Variants in KMT2D observed in about 807,000 individuals in gnomAD.
KMT2D encodes the protein lysine methyltransferase 2D.
A neutral mutation model predicts 512.7 loss-of-function variants in KMT2D; 55 were observed. That is an observed-to-expected ratio of 0.11 (90% CI 0.09 to 0.13). KMT2D has a LOEUF of 0.13. Ranked by LOEUF, KMT2D falls within the 10% of genes least tolerant of loss-of-function variation. The pLI is 1.00. For synonymous variants in KMT2D, 2,995 were observed against 2,904.0 expected, an observed-to-expected ratio of 1.03 and a Z score of -1.01; for missense variants, 6,061 against 7,127.9, an observed-to-expected ratio of 0.85 and a Z score of 5.39.
rs746799585 is a variant in KMT2D, at chr12:49,032,693, C to T, written c.12012G>A (p.Lys4004=). The T allele has an allele frequency of 2.5e-6, 4 of 1,613,192 alleles. No homozygotes were observed. The highest frequency in any genetic ancestry group is 3.4e-6 in the Non-Finnish European group (4 of 1,179,580). Reference sequence around the variant, plus strand: ...CAGGGCTAGAAAAGTGTTGAAGAGGCTTTGCTGGCATGCCAGGGCCAAGTG... The same window carrying T: ...CAGGGCTAGAAAAGTGTTGAAGAGGTTTTGCTGGCATGCCAGGGCCAAGTG... ...QVALGPGMPA[K]PLQHFSSPGA... is the part of the protein sequence containing the mutation. The change falls in exon 40 of 55, where the codon AAG becomes AAA. Residue 4004 remains lysine (K), a synonymous_variant. Coordinates refer to ENST00000301067, the MANE Select transcript of KMT2D (RefSeq NM_003482.4).
Position 49,031,525 on chromosome 12 carries a change from G to A in KMT2D, c.13180C>T (p.Leu4394=). The change falls in exon 40 of 55, where the codon CTG becomes TTG. Residue 4394 remains leucine (L), a synonymous_variant. Coordinates refer to ENST00000301067, the MANE Select transcript of KMT2D (RefSeq NM_003482.4). ...ACCTGGTCCAGATGCCCAGGTACCA[G>A]GCTGCTCTGCTCTGGCTTCTGGGTT... ...AETQKPEQSS[L]VPGHLDQVNG... 6.2e-7 allele frequency: 1 copy of A among 1,609,648 alleles called. No individual in the cohort carries two copies. The highest frequency in any genetic ancestry group is 8.5e-7 in the Non-Finnish European group (1 of 1,178,046).
In KMT2D at chr12:49,051,159, G is replaced by T. The variant is rs1169331208; in HGVS notation, c.2524C>A (p.Leu842Met). The T allele has an allele frequency of 1.3e-6, 2 of 1,517,462 alleles. No individual in the cohort carries two copies. The highest frequency in any genetic ancestry group is 1.8e-6 in the Non-Finnish European group (2 of 1,131,080). The allele number at this position is 1,517,462 out of a possible 1,614,324, so 94.0% of individuals were successfully genotyped here. ...TGCGATTCCTCAGGCCGGGGGGACA[G>T]GCATGGCTCCTCAGACTGGGGGGAC... is the stretch of plus-strand genomic sequence containing the variant. ...HLSPQSEEPCLSPRPEESHLS... is the reference protein window; with the variant it reads ...HLSPQSEEPCMSPRPEESHLS... Residue 842 changes from leucine to methionine, a missense_variant, in exon 11 of 55, where the codon CTG (leucine) becomes ATG (methionine). Physicochemically the swap from Leu to Met is conservative, Grantham distance 15. Transcript: ENST00000301067.
At position 49,041,456 on chromosome 12, in the gene KMT2D, C is replaced by A. The variant is rs772506992; in HGVS notation, c.6314G>T (p.Arg2105Leu). 1.2e-6 allele frequency: 2 copies of A among 1,613,082 alleles called. No individual in the cohort carries two copies. Among genetic ancestry groups the A allele is most frequent in the South Asian group, 1.1e-5 (1 of 91,074 alleles). The change falls in exon 32 of 55, where the codon CGC (arginine) becomes CTC (leucine). Residue 2105 changes from arginine to leucine, a missense_variant. Physicochemically the swap from Arg to Leu is moderately radical, Grantham distance 102. Around this residue, in one of 16 missense-constraint regions of KMT2D, gnomAD observed 710 missense variants for 647.3 expected, o/e 1.10. Coordinates refer to ENST00000301067, the MANE Select transcript of KMT2D (RefSeq NM_003482.4). The surrounding 1 kb of genome is among the most constrained non-coding windows in gnomAD (Gnocchi z 5.4). ...CAGTGCCCCTGGCTGCGGGGGAATG[C>A]GGAGATGTAGGGCCGGTCGGTCAGT... ...RKTDRPALHL[R>L]IPPQPGALGS...
Position 49,031,830 on chromosome 12 carries a change from G to A in KMT2D, c.12875C>T (p.Pro4292Leu), listed in dbSNP as rs2120425475. The A allele has an allele frequency of 1.9e-6, 3 of 1,559,224 alleles. No homozygotes were observed. Among genetic ancestry groups the A allele is most frequent in the Non-Finnish European group, 2.6e-6 (3 of 1,152,164 alleles). Residue 4292 changes from proline to leucine, a missense_variant, in exon 40 of 55, where the codon CCA becomes CTA. Pro to Leu is a moderately conservative substitution (Grantham distance 98). This residue lies in a region of KMT2D where 1,600 missense variants were observed against 1,754.9 expected (regional missense o/e 0.91). Transcript: ENST00000301067. The stretch of plus-strand genomic sequence containing the variant: ...TGGTCCTGTAGATAAGGCTCCTGGT[G>A]GGGCAGGGAGCCGGGGTGGGCCCTG... Reference protein sequence around the residue: ...RPQGPPRLPAPPGALSTGPVL... With the variant: ...RPQGPPRLPALPGALSTGPVL...
chr12:49,045,743 G>T (rs1414021408), intron 19 of KMT2D, among the ~76,000 whole-genome samples, 177 bp downstream of exon 19: 1 of 152,098 alleles, frequency 6.6e-6, no homozygotes. Context: ...TGGAGACCTT[G>T]GTTCTAGGCA....
rs2120496743 is a variant in KMT2D at position 49,038,412 on chromosome 12, C to T, written c.8944G>A (p.Glu2982Lys). The stretch of plus-strand genomic sequence containing the variant: ...TCCTCACAGGGCAACTTCCCAGCTT[C>T]CAGGGCCAGAGGATTGGGGCGGCCA... ...ELGRPNPLAL[E>K]AGKLPCEDPE... The change falls in exon 35 of 55, where the codon GAA (glutamate) becomes AAA (lysine). Residue 2982 changes from glutamate to lysine, a missense_variant. Physicochemically the swap from Glu to Lys is moderately conservative, Grantham distance 56. This residue lies in a region of KMT2D where 527 missense variants were observed against 578.9 expected (regional missense o/e 0.91). Transcript: ENST00000301067. The surrounding 1 kb of genome is among the most constrained non-coding windows in gnomAD (Gnocchi z 5.7). 6.2e-7 allele frequency: 1 copy of T among 1,613,764 alleles called. No homozygotes were observed. Among genetic ancestry groups the T allele is most frequent in the Non-Finnish European group, 8.5e-7 (1 of 1,179,730 alleles).
chr12:49,026,846 G>A lies in KMT2D; in HGVS notation c.15120C>T (p.Asp5040=), dbSNP rs143955226. The stretch of plus-strand genomic sequence containing the variant: ...GACGGGCAGGCCCATCAGTGGCCCC[G>A]TCACCCTCCTCATGACAGAAACAGC... The part of the protein sequence containing the change: ...RRCCFCHEEG[D]GATDGPARLL... The change falls in exon 49 of 55, where the codon GAC becomes GAT. Residue 5040 remains aspartate (D), a synonymous_variant. Coordinates refer to ENST00000301067, the MANE Select transcript of KMT2D (RefSeq NM_003482.4). The surrounding 1 kb of genome is among the most constrained non-coding windows in gnomAD (Gnocchi z 9.6). 353 of 1,613,824 alleles carry A rather than the reference G, an allele frequency of 2.2e-4. 1 individual carries two copies. The East Asian group carries it at 7.2e-3, about 33-fold the overall frequency.
In KMT2D at chr12:49,023,374, GCTGTGAACTCACAGC is replaced by G. The variant is rs1306083497; in HGVS notation, c.16053-514_16053-500del. Among the ~76,000 whole-genome samples the G allele has an allele frequency of 2.6e-5, 4 of 152,160 alleles. No individual in the cohort carries two copies. The South Asian group carries it at 8.3e-4, about 32-fold the overall frequency. ...CTGGGCTAGATTTGAATTAAAACTG[GCTGTGAACTCACAGC>G]CTAAAGGTGGTATCCTTTCTTCGGA... On this transcript the variant is annotated intron_variant, in intron 51 of 54. Coordinates refer to ENST00000301067, the MANE Select transcript of KMT2D (RefSeq NM_003482.4).
In KMT2D at chr12:49,052,955, T is replaced by C. The variant is rs1178885414; in HGVS notation, c.1072A>G (p.Ile358Val). Residue 358 changes from isoleucine (I) to valine (V), a missense_variant, in exon 9 of 55, where the codon ATC (isoleucine) becomes GTC (valine). This residue lies in a region of KMT2D where 848 missense variants were observed against 838.5 expected (regional missense o/e 1.01). Transcript: ENST00000301067. ...GTATGCTGCTCAGCAACGGAGCGGA[T>C]AGTCTGACCTCCCTGGGCTTTGTGA... is the stretch of plus-strand genomic sequence containing the variant. ...RCHKAQGGQT[I>V]RSVAEQHTPV... is the part of the protein sequence containing the mutation. 8.7e-6 allele frequency: 14 copies of C among 1,613,888 alleles called. No individual in the cohort carries two copies. The highest frequency in any genetic ancestry group is 1.2e-5 in the Non-Finnish European group (14 of 1,179,874).
intron 1 of KMT2D, 34 bp from the exon 2 acceptor site, chr12:49,055,395 C>A (rs918553850): frequency 1.4e-6 from 2 of 1,401,082 alleles, no homozygotes; most frequent in Non-Finnish European, 2.0e-6. Flanking sequence ...TATATGCCTA[C>A]TAAGTCTTCC....
chr12:49,044,759 G>T lies in KMT2D; in HGVS notation c.4948C>A (p.Leu1650Met), dbSNP rs1943706224. ...KKDGDLDTDELLKGEGGVEHM... is the reference protein window; with the variant it reads ...KKDGDLDTDEMLKGEGGVEHM... ...CCAAGCTAACCTTCACCCTTGAGCA[G>T]CTCATCGGTGTCCAGGTCCCCATCC... Residue 1650 changes from leucine (L) to methionine (M), a missense_variant, in exon 20 of 55, where the codon CTG becomes ATG. Leu to Met is a conservative substitution (Grantham distance 15). Around this residue, in one of 16 missense-constraint regions of KMT2D, gnomAD observed 640 missense variants for 814.3 expected, o/e 0.79. Transcript: ENST00000301067. This position sits in a 1 kb window ranked among gnomAD's most constrained non-coding sequence, Gnocchi z 6.4. 6.2e-7 allele frequency: 1 copy of T among 1,613,614 alleles called. No homozygotes were observed. Among genetic ancestry groups the T allele is most frequent in the African/African-American group, 1.3e-5 (1 of 74,910 alleles).
In KMT2D at chr12:49,040,109, G is replaced by C. The variant is rs2120522329; in HGVS notation, c.7661C>G (p.Pro2554Arg). The change falls in exon 32 of 55, where the codon CCT (proline) becomes CGT (arginine). Residue 2554 changes from proline to arginine, a missense_variant. Coordinates refer to ENST00000301067, the MANE Select transcript of KMT2D (RefSeq NM_003482.4). ...EPSLKPPVPQPGLPPPHGINS... is the reference protein window; with the variant it reads ...EPSLKPPVPQRGLPPPHGINS... ...GATCCCATGGGGTGGCGGGAGACCA[G>C]GCTGAGGGACAGGGGGCTTTAGGGA... 1 of 1,613,950 alleles carries C rather than the reference G, an allele frequency of 6.2e-7. No homozygotes were observed. Among genetic ancestry groups the C allele is most frequent in the Non-Finnish European group, 8.5e-7 (1 of 1,179,868 alleles).
intron 19 of KMT2D, 106 bp from the exon 20 acceptor site, chr12:49,045,071 G>T: frequency 9.0e-7 from 1 of 1,108,576 alleles, no homozygotes; most frequent in Non-Finnish European, 1.3e-6. Flanking sequence ...AGTGACAAAA[G>T]TCCAGCTTAG....
At chr12:49,047,093 G>A (rs1224060072) in intron 15 of KMT2D, among the ~76,000 whole-genome samples, 1 of 152,018 alleles carries the variant, frequency 6.6e-6, no homozygotes, top group Non-Finnish European at 1.5e-5. Flanking sequence ...TGATCCACCC[G>A]CCTCACCCTC....
intron 48 of KMT2D, 118 bp from the exon 49 acceptor site, chr12:49,027,440 T>A (rs1942657735): frequency 1.2e-6 from 1 of 817,372 alleles, no homozygotes; most frequent in Non-Finnish European, 1.9e-6. Context: ...CTAGACAGCC[T>A]CTTTTTTCTT....
chr12:49,037,899 C>G lies in KMT2D; in HGVS notation c.9457G>C (p.Gly3153Arg), dbSNP rs1943301047. The G allele has an allele frequency of 6.2e-7, 1 of 1,602,468 alleles. No individual in the cohort carries two copies. The highest frequency in any genetic ancestry group is 8.5e-7 in the Non-Finnish European group (1 of 1,174,846). Reference protein sequence around the residue: ...PAPAANSLGLGLKPGQSMMGS... With the variant: ...PAPAANSLGLRLKPGQSMMGS... Reference sequence around the variant, plus strand: ...ATCATGCTCTGTCCTGGCTTTAGCCCCAGGCCAAGGGAATTGGCAGCAGGT... The same window carrying G: ...ATCATGCTCTGTCCTGGCTTTAGCCGCAGGCCAAGGGAATTGGCAGCAGGT... Residue 3153 changes from glycine (G) to arginine (R), a missense_variant, in exon 35 of 55, where the codon GGG (glycine) becomes CGG (arginine). By Grantham distance (125) the Gly-to-Arg change is moderately radical. Transcript: ENST00000301067.
chr12:49,058,274 CAA>C (rs1009036257), intron 1 of KMT2D, among the ~76,000 whole-genome samples: 3 of 152,204 alleles, frequency 2.0e-5, no homozygotes, highest in African/African-American at 7.2e-5. Context: ...TGTTTCGGGA[CAA>C]ACGGGAGGGA....
At position 49,051,027 on chromosome 12, in the gene KMT2D, G is replaced by A. The variant is rs199946966; in HGVS notation, c.2656C>T (p.Pro886Ser). Residue 886 changes from proline (P) to serine (S), a missense_variant, in exon 11 of 55, where the codon CCT (proline) becomes TCT (serine). Physicochemically the swap from Pro to Ser is moderately conservative, Grantham distance 74. Coordinates refer to ENST00000301067, the MANE Select transcript of KMT2D (RefSeq NM_003482.4). Reference protein sequence around the residue: ...APEELPLFPPPGEPSLSPLLG... With the variant: ...APEELPLFPPSGEPSLSPLLG... ...AAGGGAGATAAGGATGGTTCCCCAG[G>A]GGGAGGGAACAAGGGCAGCTCCTCA... 3 of 1,557,184 alleles carry A rather than the reference G, an allele frequency of 1.9e-6. No homozygotes were observed. The highest frequency in any genetic ancestry group is 2.6e-6 in the Non-Finnish European group (3 of 1,153,704).
Position 49,024,464 on chromosome 12 carries a change from T to C in KMT2D, c.16052+114A>G, listed in dbSNP as rs998168430. ...TCTAATTAGGAAGTCTAAGAGTGAT[T>C]CCCCATTTTCTCCACGGGAACTCTG... is the stretch of plus-strand genomic sequence containing the variant. On this transcript the variant is annotated intron_variant, in intron 51 of 54. Coordinates refer to ENST00000301067, the MANE Select transcript of KMT2D (RefSeq NM_003482.4). The surrounding 1 kb of genome is among the most constrained non-coding windows in gnomAD (Gnocchi z 4.5). The C allele has an allele frequency of 7.3e-6, 10 of 1,365,016 alleles. No individual in the cohort carries two copies. Among genetic ancestry groups the C allele is most frequent in the Non-Finnish European group, 9.0e-6 (9 of 1,005,332 alleles). 84.6% of individuals were successfully genotyped at this position (1,365,016 alleles called of 1,614,324 possible). A position where few individuals can be genotyped will look rare whatever the true frequency, so the allele number is the denominator to read the frequency against.
Sources: gnomAD v4.1 joint callset for allele counts (sites outside exome capture counted in the v4.1 genomes callset) on GRCh38, gnomAD v4.1.1 for gene constraint, gnomAD v4.1.1 regional missense constraint, Gnocchi (gnomAD v3.1) non-coding constraint, MANE v1.5 for transcripts, NCBI Gene and HGNC (gene_info 2026-07-23, HGNC 2026-07-21) for gene names.